Variants in LRRFIP2 observed in about 807,000 individuals in gnomAD.
LRRFIP2 encodes the protein LRR binding FLII interacting protein 2.
In LRRFIP2, 109 loss-of-function variants were observed where a neutral mutation model predicts 125.9. That is an observed-to-expected ratio of 0.87 (90% CI 0.74 to 1.01). The LOEUF (loss-of-function observed/expected upper bound fraction) is 1.01, where lower values mean the gene tolerates loss of function less well. Ranked by LOEUF, LRRFIP2 falls within the 50% of genes least tolerant of loss-of-function variation. The pLI is 0.00. For synonymous variants in LRRFIP2, 291 were observed against 293.1 expected (o/e 0.99, Z 0.07); for missense variants, 850 against 862.3 (o/e 0.99, Z 0.18).
chr3:37,124,609 C>A (rs1234507192), intron 4 of LRRFIP2, among the ~76,000 whole-genome samples: 1 of 152,100 alleles, frequency 6.6e-6, no homozygotes, highest in Non-Finnish European at 1.5e-5. Context: ...AAGAAAGTTG[C>A]AGCACAGAAG....
intron 18 of LRRFIP2, among the ~76,000 whole-genome samples, chr3:37,091,052 C>T (rs776851399): frequency 2.0e-5 from 3 of 152,040 alleles, no homozygotes; most frequent in Non-Finnish European, 2.9e-5. Flanking sequence ...TAAGACACCA[C>T]GGATATGCAT....
At chr3:37,162,660 C>T (rs745474232) in intron 1 of LRRFIP2, among the ~76,000 whole-genome samples, 3 of 152,092 alleles carry the variant, frequency 2.0e-5, no homozygotes, top group Non-Finnish European at 4.4e-5. Flanking sequence ...ACTTAGCATA[C>T]AGGAAATAAA....
intron 1 of LRRFIP2, chr3:37,172,818 G>T (rs894542034): frequency 1.3e-5 from 2 of 152,160 alleles, no homozygotes; most frequent in Non-Finnish European, 2.9e-5. Flanking sequence ...TGACTCCTTT[G>T]AAGTCCAGCA....
chr3:37,148,553 T>G (rs2095919710), intron 2 of LRRFIP2, among the ~76,000 whole-genome samples: 1 of 152,220 alleles, frequency 6.6e-6, no homozygotes, highest in Non-Finnish European at 1.5e-5. Flanking sequence ...TGCATTTTCT[T>G]TCAAAACAAT....
At chr3:37,170,171 A>C (rs1285615391) in intron 1 of LRRFIP2, among the ~76,000 whole-genome samples, 3 of 152,202 alleles carry the variant, frequency 2.0e-5, no homozygotes, top group African/African-American at 7.2e-5. Flanking sequence ...GTCACAACCT[A>C]ATCTAAAGCA....
intron 24 of LRRFIP2, among the ~76,000 whole-genome samples, chr3:37,059,932 T>C (rs1041618491): frequency 6.6e-6 from 1 of 152,176 alleles, no homozygotes; most frequent in African/African-American, 2.4e-5. Flanking sequence ...GTAAGCTCTA[T>C]ATTGGGACTA....
At chr3:37,118,479 A>G (rs1034452955) in intron 6 of LRRFIP2, among the ~76,000 whole-genome samples, 27 of 152,254 alleles carry the variant, frequency 1.8e-4, no homozygotes, top group Admixed American at 6.5e-5. Flanking sequence ...TCCAATCATT[A>G]TACAAAACTA....
chr3:37,168,688 G>A (rs1044747753), intron 1 of LRRFIP2, among the ~76,000 whole-genome samples: 5 of 152,350 alleles, frequency 3.3e-5, no homozygotes, highest in Non-Finnish European at 7.3e-5. Flanking sequence ...ACACAGTCAT[G>A]TGCTGCATAA....
Position 37,052,876 on chromosome 3 carries a change from A to AACTC in LRRFIP2, c.*971_*974dup, listed in dbSNP as rs2085896375. On this transcript the variant is annotated 3_prime_UTR_variant, in exon 28 of 28. Coordinates refer to ENST00000336686, the MANE Select transcript of LRRFIP2 (RefSeq NM_006309.4). ...TTGGACAGGGTACCTCTAAAGGTGA[A>AACTC]ACTCAAGTCTTTAAAAGTTCTACAT... 6.6e-6 allele frequency: 1 copy of AACTC among 152,234 alleles called. No homozygotes were observed. The highest frequency in any genetic ancestry group is 6.5e-5 in the Admixed American group (1 of 15,280). 9.4% of individuals were successfully genotyped at this position (152,234 alleles called of 1,614,324 possible). A position where few individuals can be genotyped will look rare whatever the true frequency, so the allele number is the denominator to read the frequency against.
rs765229432 is a variant in LRRFIP2 at position 37,072,791 on chromosome 3, C to A, written c.1463G>T (p.Gly488Val). 4.7e-5 allele frequency: 75 copies of A among 1,604,618 alleles called. No homozygotes were observed. The highest frequency in any genetic ancestry group is 6.1e-5 in the Non-Finnish European group (72 of 1,172,172). ...ETLLWKDKKI[G>V]ALEKQKEYIA... ...CCAAAGCCCAATTTCATTTCATACCCCAATTTTTTTATCTTTCCAAAGAAG... is the reference window on the plus strand; with the variant it reads ...CCAAAGCCCAATTTCATTTCATACCACAATTTTTTTATCTTTCCAAAGAAG... The change falls in exon 21 of 28, where the codon GGG becomes GTG. Residue 488 changes from glycine (G) to valine (V), a missense_variant and splice_region_variant. By Grantham distance (109) the Gly-to-Val change is moderately radical (BLOSUM62 -3). Coordinates refer to ENST00000336686, the MANE Select transcript of LRRFIP2 (RefSeq NM_006309.4).
At chr3:37,124,501 T>C (rs780536750) in intron 4 of LRRFIP2, among the ~76,000 whole-genome samples, 2 of 152,204 alleles carry the variant, frequency 1.3e-5, no homozygotes, top group Non-Finnish European at 2.9e-5. Context: ...AAACAGACCC[T>C]GGTAGCAACG....
intron 2 of LRRFIP2, among the ~76,000 whole-genome samples, chr3:37,130,648 C>A (rs1458042836): frequency 6.6e-6 from 1 of 152,218 alleles, no homozygotes; most frequent in Non-Finnish European, 1.5e-5. Context: ...TAAAATCTCT[C>A]AGGACGTCAA....
chr3:37,127,634 C>A lies in LRRFIP2; in HGVS notation c.224G>T (p.Trp75Leu). Residue 75 changes from tryptophan (W) to leucine (L), a missense_variant, in exon 4 of 28, where the codon TGG (tryptophan) becomes TTG (leucine). By Grantham distance (61) the Trp-to-Leu change is moderately conservative (BLOSUM62 -2). Transcript: ENST00000336686. ...FDRKWGQIQK[W>L]LEDSERARYS... ...GGACAGGCAATACTGGCCTACCAGC[C>A]ACTTCTGAATCTGTCCCCACTTCCG... The A allele has an allele frequency of 6.2e-7, 1 of 1,613,904 alleles. No homozygotes were observed. The highest frequency in any genetic ancestry group is 8.5e-7 in the Non-Finnish European group (1 of 1,179,856).
At chr3:37,104,916 C>T (rs1047626284) in intron 14 of LRRFIP2, among the ~76,000 whole-genome samples, 1 of 151,832 alleles carries the variant, frequency 6.6e-6, no homozygotes, top group African/African-American at 2.4e-5. Flanking sequence ...GCAATCATAG[C>T]TCACTGCAGC....
At chr3:37,095,389 C>T (rs1162795477) in intron 16 of LRRFIP2, among the ~76,000 whole-genome samples, 1 of 152,154 alleles carries the variant, frequency 6.6e-6, no homozygotes, top group Non-Finnish European at 1.5e-5. Context: ...AGTAGCAACA[C>T]TGGATATCAC....
intron 1 of LRRFIP2, among the ~76,000 whole-genome samples, chr3:37,157,185 G>A (rs1304699053): frequency 2.0e-5 from 3 of 152,144 alleles, no homozygotes; most frequent in African/African-American, 7.2e-5. Context: ...GCTCATGCCT[G>A]TAATCCCAGT....
At chr3:37,126,872 G>GAAAGA (rs2095296701) in intron 4 of LRRFIP2, among the ~76,000 whole-genome samples, 1 of 142,482 alleles carries the variant, frequency 7.0e-6, no homozygotes, top group Non-Finnish European at 1.5e-5. Flanking sequence ...AAAAAAAAAA[G>GAAAGA]AAAGAAAGAA....
intron 1 of LRRFIP2, among the ~76,000 whole-genome samples, chr3:37,164,247 T>C (rs140594962): frequency 6.6e-6 from 1 of 152,122 alleles, no homozygotes; most frequent in Non-Finnish European, 1.5e-5. Flanking sequence ...CAGTAAACAA[T>C]ATTTATTTCA....
At chr3:37,061,480 A>G (rs1575821545) in intron 24 of LRRFIP2, among the ~76,000 whole-genome samples, 1 of 148,570 alleles carries the variant, frequency 6.7e-6, no homozygotes. Flanking sequence ...ATCTTGGCTC[A>G]CTGCAGCCTC....
Sources: gnomAD v4.1 joint callset for allele counts (sites outside exome capture counted in the v4.1 genomes callset) on GRCh38, gnomAD v4.1.1 for gene constraint, MANE v1.5 for transcripts, NCBI Gene and HGNC (gene_info 2026-07-23, HGNC 2026-07-21) for gene names.